The following EYS variants were observed in gnomAD, a reference collection of about 807,000 sequenced individuals.
EYS encodes the protein EGF-like photoreceptor maintenance factor, also known as protein eyes shut homolog.
EYS carries 250 observed loss-of-function variants against 282.1 expected under a neutral mutation model. The ratio of observed to expected loss-of-function variants is 0.89; its 90% confidence interval spans 0.80 to 0.98. The LOEUF is 0.98. Ranked by LOEUF, EYS falls within the 50% of genes least tolerant of loss-of-function variation. The probability of loss-of-function intolerance (pLI) is 0.00; values close to 1 mark genes in which losing one functional copy is unlikely to be tolerated. For missense variants in EYS, 4,016 were observed against 3,709.0 expected (o/e 1.08, Z -2.15); for synonymous variants, 1,355 against 1,282.9 (o/e 1.06, Z -1.20).
At chr6:64,213,683 T>C (rs1231844486) in intron 31 of EYS, among the ~76,000 whole-genome samples, 1 of 152,196 alleles carries the variant, frequency 6.6e-6, no homozygotes, top group Admixed American at 6.5e-5. Context: ...ATGTGACATG[T>C]TAATGCCTTA....
chr6:64,942,837 A>AAAC (rs1554220168), intron 15 of EYS, among the ~76,000 whole-genome samples: 16 of 150,122 alleles, frequency 1.1e-4, no homozygotes, highest in South Asian at 4.2e-4. Context: ...CAAAAAAAAA[A>AAAC]AAAAAACAAA....
chr6:64,762,697 ACACT>A (rs1773199539), intron 22 of EYS, among the ~76,000 whole-genome samples: 1 of 152,122 alleles, frequency 6.6e-6, no homozygotes, highest in Non-Finnish European at 1.5e-5. Flanking sequence ...ACACACACAC[ACACT>A]CACAACCATG....
intron 42 of EYS, among the ~76,000 whole-genome samples, chr6:63,725,541 A>G (rs1373397177): frequency 6.6e-6 from 1 of 152,116 alleles, no homozygotes; most frequent in East Asian, 1.9e-4. Flanking sequence ...CTCCTATTTG[A>G]CATTTTCACA....
chr6:65,323,102 CTT>C (rs1411698675), intron 11 of EYS, among the ~76,000 whole-genome samples: 1 of 147,046 alleles, frequency 6.8e-6, no homozygotes, highest in African/African-American at 2.5e-5. Context: ...AATAAATACT[CTT>C]AAAATACATT....
chr6:64,326,458 C>T (rs1351166966), intron 29 of EYS, among the ~76,000 whole-genome samples: 1 of 152,218 alleles, frequency 6.6e-6, no homozygotes, highest in Admixed American at 6.5e-5. Context: ...TCCCATCTCA[C>T]ATAGTTGCTG....
chr6:63,815,002 T>G (rs1166592945), intron 36 of EYS, among the ~76,000 whole-genome samples: 4 of 152,218 alleles, frequency 2.6e-5, no homozygotes, highest in Non-Finnish European at 5.9e-5. Flanking sequence ...TTCTAACTCA[T>G]GAATTTCTTC....
rs1038300996 is a variant in EYS, at chr6:65,639,778, C to A, written c.-333G>T. ...TTTTCCTCAGGACTCTTATCCTTAC[C>A]TCAAGTACACAGGTTCCGTTGCTGT... On this transcript the variant is annotated splice_region_variant and 5_prime_UTR_variant, in exon 2 of 43. The change creates a new upstream start codon in the 5' untranslated region. Coordinates refer to ENST00000503581, the MANE Select transcript of EYS (RefSeq NM_001142800.2). 1.3e-5 allele frequency: 2 copies of A among 152,062 alleles called. No homozygotes were observed. The highest frequency in any genetic ancestry group is 2.9e-5 in the Non-Finnish European group (2 of 68,024). The allele number at this position is 152,062 out of a possible 1,614,324, so 9.4% of individuals were successfully genotyped here.
chr6:64,177,426 G>C (rs1764669093), intron 31 of EYS, among the ~76,000 whole-genome samples: 1 of 151,632 alleles, frequency 6.6e-6, no homozygotes, highest in African/African-American at 2.4e-5. Context: ...CTATTGTAAA[G>C]CTAATCAGTG....
At position 65,259,140 on chromosome 6, in the gene EYS, T is replaced by C. The variant is rs143863403; in HGVS notation, c.2023+36723A>G. ...TTACTGAGGTCTTGTGTCTCTTCCT[T>C]TATACATATACCTATTGAAGTAAGT... is the stretch of plus-strand genomic sequence containing the variant. On this transcript the variant is annotated intron_variant, in intron 12 of 42. Coordinates refer to ENST00000503581, the MANE Select transcript of EYS (RefSeq NM_001142800.2). Among the ~76,000 whole-genome samples, 208 of 152,188 alleles carry C rather than the reference T, an allele frequency of 1.4e-3. 1 individual carries two copies. Among genetic ancestry groups the C allele is most frequent in the Middle Eastern group, 3.4e-3 (1 of 294 alleles).
At chr6:64,147,217 A>C (rs538870088) in intron 31 of EYS, among the ~76,000 whole-genome samples, 42 of 152,216 alleles carry the variant, frequency 2.8e-4, no homozygotes, top group Admixed American at 1.7e-3. Context: ...TGTTCCTGGC[A>C]CTTAGAAAAG....
intron 33 of EYS, among the ~76,000 whole-genome samples, chr6:64,037,985 A>C (rs1770200580): frequency 6.6e-6 from 1 of 152,248 alleles, no homozygotes; most frequent in Non-Finnish European, 1.5e-5. Context: ...AAAATTGAAT[A>C]AACATCCAAA....
chr6:65,623,563 G>T (rs1766596678), intron 2 of EYS, among the ~76,000 whole-genome samples: 1 of 151,880 alleles, frequency 6.6e-6, no homozygotes, highest in African/African-American at 2.4e-5. Context: ...TGTGCCTAGG[G>T]GAAAGTTTAA....
chr6:65,330,515 A>T lies in EYS; in HGVS notation c.1766+4465T>A, dbSNP rs572332207. On this transcript the variant is annotated intron_variant, in intron 11 of 42. Coordinates refer to ENST00000503581, the MANE Select transcript of EYS (RefSeq NM_001142800.2). Reference sequence around the variant, plus strand: ...AAACATTTTATAAACCCCCAGAAAAATTTTTTGAAGATTTCAGGGCAAAAA... The same window carrying T: ...AAACATTTTATAAACCCCCAGAAAATTTTTTTGAAGATTTCAGGGCAAAAA... 1.4e-4 allele frequency: 139 copies of T among 984,286 alleles called. No individual in the cohort carries two copies. The East Asian group carries it at 7.5e-3, about 53-fold the overall frequency. 61.0% of individuals were successfully genotyped at this position (984,286 alleles called of 1,614,324 possible). A position where few individuals can be genotyped will look rare whatever the true frequency, so the allele number is the denominator to read the frequency against.
rs114338513 is a variant in EYS at position 64,622,309 on chromosome 6, C to T, written c.3568+3812G>A. Reference sequence around the variant, plus strand: ...CCTGTCATGACTGGACAACATTGGCCATCATAAATGAATTGTACTTTTTCA... The same window carrying T: ...CCTGTCATGACTGGACAACATTGGCTATCATAAATGAATTGTACTTTTTCA... On this transcript the variant is annotated intron_variant, in intron 23 of 42. Transcript: ENST00000503581. Among the ~76,000 whole-genome samples the T allele has an allele frequency of 5.5e-3, 841 of 152,172 alleles. 9 individuals are homozygous for T. The highest frequency in any genetic ancestry group is 0.019 in the African/African-American group (787 of 41,540).
chr6:64,415,540 A>G (rs1350129685), intron 28 of EYS, among the ~76,000 whole-genome samples: 1 of 152,120 alleles, frequency 6.6e-6, no homozygotes, highest in Non-Finnish European at 1.5e-5. Context: ...CCTGTATCAC[A>G]TTGCTCTTGG....
At chr6:64,041,453 A>G (rs1770386998) in intron 33 of EYS, among the ~76,000 whole-genome samples, 1 of 152,208 alleles carries the variant, frequency 6.6e-6, no homozygotes, top group Admixed American at 6.5e-5. Context: ...GAGCCAAAAG[A>G]TAAGTGCTTT....
At chr6:65,676,398 G>A (rs749026547) in intron 1 of EYS, among the ~76,000 whole-genome samples, 116 of 151,812 alleles carry the variant, frequency 7.6e-4, no homozygotes, top group Non-Finnish European at 2.2e-4. Flanking sequence ...TGATGCCACA[G>A]AAATTAAGAT....
At chr6:64,569,181 A>T (rs1765645898) in intron 26 of EYS, among the ~76,000 whole-genome samples, 1 of 152,054 alleles carries the variant, frequency 6.6e-6, no homozygotes, top group African/African-American at 2.4e-5. Flanking sequence ...AAGGTGGGTA[A>T]TAACAAATTC....
Position 64,997,578 on chromosome 6 carries a change from T to G in EYS, c.2259+4A>C, listed in dbSNP as rs1199248841. The stretch of plus-strand genomic sequence containing the variant: ...AGGTATATAAAAAGCCAGTGGATAC[T>G]AACGAGATGCAGGTCTTTGCAGGTA... On this transcript the variant is annotated splice_donor_region_variant and intron_variant, in intron 14 of 42. Coordinates refer to ENST00000503581, the MANE Select transcript of EYS (RefSeq NM_001142800.2). The G allele has an allele frequency of 1.9e-6, 3 of 1,550,662 alleles. No individual in the cohort carries two copies. Among genetic ancestry groups the G allele is most frequent in the African/African-American group, 2.7e-5 (2 of 73,016 alleles).
Sources: gnomAD v4.1 joint callset for allele counts (sites outside exome capture counted in the v4.1 genomes callset) on GRCh38, gnomAD v4.1.1 for gene constraint, MANE v1.5 for transcripts, NCBI Gene and HGNC (gene_info 2026-07-23, HGNC 2026-07-21) for gene names.